CSMD2: variants seen among roughly 807,000 people sequenced by gnomAD.
The protein encoded by CSMD2 is CUB and sushi domain-containing protein 2.
Under a neutral mutation model 398.5 loss-of-function variants are expected in CSMD2, and 130 were observed. That is an observed-to-expected ratio of 0.33 (90% confidence interval 0.28 to 0.38). The LOEUF is 0.38. Among genes scored for constraint, CSMD2 ranks in the 10% least tolerant of loss-of-function variants. The probability of loss-of-function intolerance (pLI) is 1.00; values close to 1 mark genes in which losing one functional copy is unlikely to be tolerated. For synonymous variants in CSMD2, 1,828 were observed against 1,908.5 expected (o/e 0.96, Z 1.10); for missense variants, 3,829 against 4,764.9 (o/e 0.80, Z 5.78).
At chr1:33,974,519 C>T (rs1645889226) in intron 3 of CSMD2, among the ~76,000 whole-genome samples, 2 of 152,226 alleles carry the variant, frequency 1.3e-5, no homozygotes, top group Admixed American at 1.3e-4. Context: ...CCAGAAGGCA[C>T]TCCAACGATC....
intron 5 of CSMD2, among the ~76,000 whole-genome samples, chr1:33,885,980 G>C (rs1311779628): frequency 6.6e-6 from 1 of 152,062 alleles, no homozygotes; most frequent in Non-Finnish European, 1.5e-5. Flanking sequence ...GTTATTAAAA[G>C]GGTTAAGACA....
chr1:34,135,732 G>A (rs952835458), intron 1 of CSMD2, among the ~76,000 whole-genome samples: 2 of 151,052 alleles, frequency 1.3e-5, no homozygotes. Context: ...TACCCAGAAA[G>A]AGGTATAAGA....
intron 5 of CSMD2, chr1:33,864,030 A>G (rs1639760651): frequency 3.1e-6 from 2 of 652,156 alleles, no homozygotes; most frequent in African/African-American, 1.8e-5. Context: ...CCTCTGACTC[A>G]ACAATGCCAT....
Position 33,624,494 on chromosome 1 carries a change from G to T in CSMD2, c.5625+25C>A. ...CCTGGGAGCAGACGGCCACCTGCCC[G>T]ACCGAGGCGCCCCCTTGCCCCTACC... On this transcript the variant is annotated intron_variant, in intron 35 of 70. Transcript: ENST00000373381. This position sits in a 1 kb window ranked among gnomAD's most constrained non-coding sequence, Gnocchi z 4.7. 1 of 1,610,558 alleles carries T rather than the reference G, an allele frequency of 6.2e-7. No individual in the cohort carries two copies. Among genetic ancestry groups the T allele is most frequent in the South Asian group, 1.1e-5 (1 of 90,854 alleles).
intron 46 of CSMD2, among the ~76,000 whole-genome samples, chr1:33,586,028 G>A (rs369914508): frequency 6.6e-6 from 1 of 152,200 alleles, no homozygotes; most frequent in East Asian, 1.9e-4. Context: ...CTTAATTGGG[G>A]TGACTCGCTG....
At chr1:33,780,353 A>C (rs1557881264) in intron 12 of CSMD2, among the ~76,000 whole-genome samples, 1 of 152,186 alleles carries the variant, frequency 6.6e-6, no homozygotes, top group East Asian at 1.9e-4. Flanking sequence ...TGCGAAGGGC[A>C]CCAGGAGGTG....
chr1:33,921,689 C>A (rs1428356774), intron 4 of CSMD2, among the ~76,000 whole-genome samples: 1 of 152,228 alleles, frequency 6.6e-6, no homozygotes, highest in Non-Finnish European at 1.5e-5. Flanking sequence ...CCTGGAAGGG[C>A]ATGCTGCTTG....
chr1:33,737,104 C>G (rs1646910645), intron 15 of CSMD2, among the ~76,000 whole-genome samples: 1 of 152,172 alleles, frequency 6.6e-6, no homozygotes, highest in Non-Finnish European at 1.5e-5. Flanking sequence ...TACTTATTCC[C>G]CTGTTGCCAG....
At position 33,709,276 on chromosome 1, in the gene CSMD2, A is replaced by G; in HGVS notation, c.3407-18T>C. 6.2e-7 allele frequency: 1 copy of G among 1,606,894 alleles called. No homozygotes were observed. Among genetic ancestry groups the G allele is most frequent in the Non-Finnish European group, 8.5e-7 (1 of 1,176,086 alleles). ...ACACTCAGCTGGAAAGAGAATCACA[A>G]TAACCATAGATTAACCCCCATCAGC... On this transcript the variant is annotated intron_variant, in intron 21 of 70. Coordinates refer to ENST00000373381, the MANE Select transcript of CSMD2 (RefSeq NM_001281956.2).
At chr1:33,714,990 GGAAGCACGGGGAGGCAGAGGCAGAGA>G (rs1031441259) in intron 20 of CSMD2, among the ~76,000 whole-genome samples, 2 of 152,024 alleles carry the variant, frequency 1.3e-5, no homozygotes, top group African/African-American at 4.8e-5. Flanking sequence ...AGAAACATGG[GGAAGCACGGGGAGGCAGAGGCAGAGA>G]GAAGCACGGG....
chr1:34,082,210 G>A (rs558369862), intron 2 of CSMD2, among the ~76,000 whole-genome samples: 10 of 146,898 alleles, frequency 6.8e-5, no homozygotes, highest in East Asian at 4.3e-4. Flanking sequence ...CCGCCACCCC[G>A]TCTGGGAAGT....
chr1:33,720,647 G>A lies in CSMD2; in HGVS notation c.3001+3550C>T, dbSNP rs114410676. Among the ~76,000 whole-genome samples the A allele has an allele frequency of 4.2e-3, 640 of 152,336 alleles. 3 individuals are homozygous for A. The highest frequency in any genetic ancestry group is 0.015 in the African/African-American group (615 of 41,578). On this transcript the variant is annotated intron_variant, in intron 19 of 70. Coordinates refer to ENST00000373381, the MANE Select transcript of CSMD2 (RefSeq NM_001281956.2). ...GAACTTAGTTTAGAGGGCTCAGAAT[G>A]AGGCTGAGACAGGTAAGGACTATGA...
At chr1:33,987,270 A>T (rs1281673736) in intron 3 of CSMD2, among the ~76,000 whole-genome samples, 2 of 152,170 alleles carry the variant, frequency 1.3e-5, no homozygotes, top group East Asian at 3.9e-4. Context: ...GTTAAAGGAT[A>T]TTAGGATCAA....
chr1:34,152,759 AG>A (rs1293219752), intron 1 of CSMD2, among the ~76,000 whole-genome samples: 1 of 152,200 alleles, frequency 6.6e-6, no homozygotes, highest in African/African-American at 2.4e-5. Flanking sequence ...ACCACTTAGA[AG>A]TATATAATGT....
At position 33,633,442 on chromosome 1, in the gene CSMD2, G is replaced by A; in HGVS notation, c.5180C>T (p.Ser1727Phe). The A allele has an allele frequency of 6.4e-7, 1 of 1,553,012 alleles. No homozygotes were observed. Among genetic ancestry groups the A allele is most frequent in the South Asian group, 1.2e-5 (1 of 84,126 alleles). Residue 1727 changes from serine (S) to phenylalanine (F), a missense_variant, in exon 32 of 71, where the codon TCC becomes TTC. Physicochemically the swap from Ser to Phe is radical, Grantham distance 155. Around this residue, in one of 5 missense-constraint regions of CSMD2, gnomAD observed 2,001 missense variants for 2,567.1 expected, o/e 0.78. Coordinates refer to ENST00000373381, the MANE Select transcript of CSMD2 (RefSeq NM_001281956.2). The surrounding 1 kb of genome is among the most constrained non-coding windows in gnomAD (Gnocchi z 5.0). ...GATACCTGTATGGGAGCCCGAGAGGGAGCTGAGGAGCCGCGAGTGCTGGCT... is the reference window on the plus strand; with the variant it reads ...GATACCTGTATGGGAGCCCGAGAGGAAGCTGAGGAGCCGCGAGTGCTGGCT... ...GHSQHSRLLSSLSGSHTGESL... is the reference protein window; with the variant it reads ...GHSQHSRLLSFLSGSHTGESL...
chr1:34,107,232 G>A (rs1353612966), intron 1 of CSMD2, among the ~76,000 whole-genome samples: 1 of 152,128 alleles, frequency 6.6e-6, no homozygotes, highest in Non-Finnish European at 1.5e-5. Context: ...GCTAAGCACA[G>A]GAACAGACTC....
chr1:34,037,193 T>A (rs1393924993), intron 2 of CSMD2, among the ~76,000 whole-genome samples: 1 of 152,204 alleles, frequency 6.6e-6, no homozygotes, highest in Non-Finnish European at 1.5e-5. Flanking sequence ...CAGTCCTCCA[T>A]TAGATCAGAC....
chr1:33,599,978 A>G (rs1281657768), intron 44 of CSMD2: 3 of 603,784 alleles, frequency 5.0e-6, no homozygotes, highest in African/African-American at 1.9e-5. Flanking sequence ...TTCTGTTTCC[A>G]GTTCTATCCA....
At chr1:33,944,058 G>C in intron 3 of CSMD2, among the ~76,000 whole-genome samples, 1 of 151,982 alleles carries the variant, frequency 6.6e-6, no homozygotes, top group East Asian at 1.9e-4. Flanking sequence ...CTCTGTCACA[G>C]GGACCTGATT....
Sources: gnomAD v4.1 joint callset for allele counts (sites outside exome capture counted in the v4.1 genomes callset) on GRCh38, gnomAD v4.1.1 for gene constraint, gnomAD v4.1.1 regional missense constraint, Gnocchi (gnomAD v3.1) non-coding constraint, MANE v1.5 for transcripts, NCBI Gene and HGNC (gene_info 2026-07-23, HGNC 2026-07-21) for gene names.